DPP10: variants seen among roughly 807,000 people sequenced by gnomAD.
DPP10 encodes the protein dipeptidyl peptidase like 10.
A neutral mutation model predicts 120.9 loss-of-function variants in DPP10; 33 were observed. The ratio of observed to expected loss-of-function variants is 0.27; its 90% CI spans 0.21 to 0.37. DPP10 has a LOEUF of 0.37. Among genes scored for constraint, DPP10 ranks in the 10% least tolerant of loss-of-function variants. The probability of loss-of-function intolerance (pLI) is 1.00; values close to 1 mark genes in which losing one functional copy is unlikely to be tolerated. For missense variants in DPP10, 816 were observed against 942.8 expected (o/e 0.87, Z 1.76); for synonymous variants, 337 against 326.1 (o/e 1.03, Z -0.36).
At chr2:115,192,485 C>T (rs1177555112) in intron 1 of DPP10, among the ~76,000 whole-genome samples, 1 of 152,186 alleles carries the variant, frequency 6.6e-6, no homozygotes, top group Non-Finnish European at 1.5e-5. Context: ...CAGTGGGTCC[C>T]TTGATGCAGT....
chr2:115,628,221 G>A (rs1281379956), intron 5 of DPP10, among the ~76,000 whole-genome samples: 9 of 152,218 alleles, frequency 5.9e-5, no homozygotes, highest in South Asian at 2.1e-4. Context: ...TCTGACTGGC[G>A]TGAGATGCTT....
intron 5 of DPP10, among the ~76,000 whole-genome samples, chr2:115,635,897 G>T (rs1378442333): frequency 6.6e-6 from 1 of 151,976 alleles, no homozygotes; most frequent in Non-Finnish European, 1.5e-5. Flanking sequence ...TAAAATCATT[G>T]GGCAAAAAGT....
intron 7 of DPP10, among the ~76,000 whole-genome samples, chr2:115,709,037 A>C (rs144385779): frequency 6.6e-6 from 1 of 152,208 alleles, no homozygotes; most frequent in Non-Finnish European, 1.5e-5. Context: ...CTTAAAACAA[A>C]CCAACACATA....
rs761961981 is a variant in DPP10, at chr2:114,542,048, C to CTTTTTTTT, written c.60+99210_60+99211insTTTTTTTT. Among the ~76,000 whole-genome samples, 53 of 122,146 alleles carry CTTTTTTTT rather than the reference C, an allele frequency of 4.3e-4. 9 individuals carry two copies. The highest frequency in any genetic ancestry group is 6.3e-4 in the African/African-American group (20 of 31,996). 80.1% of individuals were successfully genotyped at this position (122,146 alleles called of 152,430 possible). A position where few individuals can be genotyped will look rare whatever the true frequency, so the allele number is the denominator to read the frequency against. On this transcript the variant is annotated intron_variant, in intron 1 of 25. Coordinates refer to ENST00000410059, the MANE Select transcript of DPP10 (RefSeq NM_020868.6). ...TACAGTTTTTTTTCTTTCTTTCTTT[C>CTTTTTTTT]CTTTTTTTTTTTTTTTTGAGATGGA...
intron 1 of DPP10, among the ~76,000 whole-genome samples, chr2:115,022,087 C>A (rs1268590138): frequency 1.3e-5 from 2 of 152,050 alleles, no homozygotes; most frequent in Admixed American, 1.3e-4. Context: ...TGAAAGCATT[C>A]CCCTAAGAAC....
chr2:114,982,843 G>A (rs1700172866), intron 1 of DPP10, among the ~76,000 whole-genome samples: 1 of 151,864 alleles, frequency 6.6e-6, no homozygotes, highest in African/African-American at 2.4e-5. Flanking sequence ...CTGGGCTCAA[G>A]CGATCTGCCC....
chr2:114,646,907 A>G lies in DPP10; in HGVS notation c.60+204069A>G, dbSNP rs571637851. On this transcript the variant is annotated intron_variant, in intron 1 of 25. Coordinates refer to ENST00000410059, the MANE Select transcript of DPP10 (RefSeq NM_020868.6). ...CCTAAAAGATATTTTAAACACTAGG[A>G]GTAGTGAATGCCTACTCATTTTATC... Among the ~76,000 whole-genome samples the G allele has an allele frequency of 5.9e-5, 9 of 152,334 alleles. No homozygotes were observed. The East Asian group carries it at 1.5e-3, about 26-fold the overall frequency.
chr2:114,743,023 T>G (rs1253552531), intron 1 of DPP10, among the ~76,000 whole-genome samples: 1 of 152,216 alleles, frequency 6.6e-6, no homozygotes, highest in African/African-American at 2.4e-5. Flanking sequence ...TTAGAAGTCT[T>G]AATCACACCT....
intron 1 of DPP10, among the ~76,000 whole-genome samples, chr2:115,100,027 T>C (rs909438267): frequency 2.0e-5 from 3 of 152,220 alleles, no homozygotes; most frequent in Admixed American, 2.0e-4. Context: ...CTTGGTTATA[T>C]GGATGATGCC....
At chr2:115,829,045 C>CA (rs1202027792) in intron 21 of DPP10, among the ~76,000 whole-genome samples, 1 of 152,102 alleles carries the variant, frequency 6.6e-6, no homozygotes, top group Admixed American at 6.6e-5. Context: ...TATGATGAGG[C>CA]AAAAAACTGA....
intron 3 of DPP10, among the ~76,000 whole-genome samples, chr2:115,378,847 A>G (rs1040795340): frequency 3.9e-5 from 6 of 152,174 alleles, no homozygotes; most frequent in African/African-American, 1.4e-4. Context: ...TATATGCTGG[A>G]TTACTTTTAT....
At chr2:115,418,507 A>T (rs2069634444) in intron 3 of DPP10, among the ~76,000 whole-genome samples, 1 of 152,176 alleles carries the variant, frequency 6.6e-6, no homozygotes, top group African/African-American at 2.4e-5. Flanking sequence ...ACATTGGCTC[A>T]CATCTGTAAT....
At chr2:114,981,985 C>T (rs1340941218) in intron 1 of DPP10, among the ~76,000 whole-genome samples, 1 of 151,732 alleles carries the variant, frequency 6.6e-6, no homozygotes, top group Non-Finnish European at 1.5e-5. Context: ...ACTTCCACCT[C>T]CTGGGTTCAA....
In DPP10 at chr2:115,214,566, G is replaced by A. The variant is rs545461291; in HGVS notation, c.61-94673G>A. Among the ~76,000 whole-genome samples, 19 of 152,228 alleles carry A rather than the reference G, an allele frequency of 1.2e-4. 1 individual carries two copies. In the East Asian group the frequency reaches 3.5e-3, roughly 28 times the overall value. The stretch of plus-strand genomic sequence containing the variant: ...GGAAATATTGATCAATATTGCCATG[G>A]GGTATACATTTTATATATGAAATAA... On this transcript the variant is annotated intron_variant, in intron 1 of 25. Coordinates refer to ENST00000410059, the MANE Select transcript of DPP10 (RefSeq NM_020868.6).
chr2:115,040,976 G>A lies in DPP10; in HGVS notation c.61-268263G>A, dbSNP rs1285480761. 4.6e-5 allele frequency among the ~76,000 whole-genome samples: 7 copies of A among 152,006 alleles called. No individual in the cohort carries two copies. The South Asian group carries it at 8.4e-4, about 18-fold the overall frequency. ...TCTACTAAAAATACAAAAATTAGCC[G>A]GGCATTGTGGTGGGTGCCTGTCATC... On this transcript the variant is annotated intron_variant, in intron 1 of 25. Coordinates refer to ENST00000410059, the MANE Select transcript of DPP10 (RefSeq NM_020868.6).
intron 1 of DPP10, among the ~76,000 whole-genome samples, chr2:115,067,236 CTTTT>C (rs578110916): frequency 6.6e-6 from 1 of 151,450 alleles, no homozygotes; most frequent in African/African-American, 2.4e-5. Flanking sequence ...ACAGAATGTC[CTTTT>C]TTTTGTTTGT....
chr2:115,211,930 G>T (rs544558087), intron 1 of DPP10, among the ~76,000 whole-genome samples: 2 of 152,094 alleles, frequency 1.3e-5, no homozygotes, highest in African/African-American at 4.8e-5. Context: ...TGCTGTGACT[G>T]TTTAGCTCCT....
At chr2:115,787,223 A>G (rs1013139195) in intron 17 of DPP10, among the ~76,000 whole-genome samples, 15 of 152,240 alleles carry the variant, frequency 9.9e-5, no homozygotes, top group African/African-American at 3.4e-4. Flanking sequence ...ATCTAATAAA[A>G]AATTACTAGC....
intron 5 of DPP10, among the ~76,000 whole-genome samples, chr2:115,664,026 A>G (rs1458307461): frequency 6.6e-6 from 1 of 151,008 alleles, no homozygotes; most frequent in Admixed American, 6.6e-5. Flanking sequence ...AATATTACAT[A>G]CATATATGTA....
Sources: allele counts gnomAD v4.1 joint callset (sites outside exome capture counted in the v4.1 genomes callset), GRCh38; gene constraint gnomAD v4.1.1; transcripts MANE v1.5; gene names NCBI Gene and HGNC (gene_info 2026-07-23, HGNC 2026-07-21).